Variants in ZNF366 observed in about 807,000 individuals in gnomAD.
ZNF366 encodes dendritic cell-specific transcript protein.
ZNF366 carries 20 observed loss-of-function variants against 47.2 expected under a neutral mutation model. The observed-to-expected ratio is 0.42, with a 90% CI of 0.30 to 0.62. The LOEUF is 0.62. ZNF366 is among the 20% of genes least tolerant of loss of function. The probability of loss-of-function intolerance (pLI) is 0.16; values close to 1 mark genes in which losing one functional copy is unlikely to be tolerated. For synonymous variants in ZNF366, 421 were observed against 395.1 expected, an observed-to-expected ratio of 1.07 and a Z score of -0.78; for missense variants, 987 against 976.3, an observed-to-expected ratio of 1.01 and a Z score of -0.15.
At chr5:72,488,086 T>C (rs1005057736) in intron 1 of ZNF366, among the ~76,000 whole-genome samples, 2 of 151,956 alleles carry the variant, frequency 1.3e-5, no homozygotes, top group Admixed American at 1.3e-4. Context: ...TGCACACCTA[T>C]AGTCCCAGCT....
chr5:72,497,054 A>G lies in ZNF366; in HGVS notation c.-15+10197T>C, dbSNP rs1437874161. On this transcript the variant is annotated intron_variant, in intron 1 of 4. Transcript: ENST00000318442. ...TCTTAAAACAAGTCCTTTATCAGATATGTTTCACAAATATTTTCTCCTAGT... is the reference window on the plus strand; with the variant it reads ...TCTTAAAACAAGTCCTTTATCAGATGTGTTTCACAAATATTTTCTCCTAGT... 2.0e-5 allele frequency among the ~76,000 whole-genome samples: 3 copies of G among 152,172 alleles called. No homozygotes were observed. The East Asian group carries it at 5.8e-4, about 29-fold the overall frequency.
chr5:72,458,442 G>C (rs905268432), intron 2 of ZNF366, among the ~76,000 whole-genome samples: 1 of 152,212 alleles, frequency 6.6e-6, no homozygotes, highest in Non-Finnish European at 1.5e-5. Context: ...TCCAAAGTAA[G>C]ATTCACCTGT....
At chr5:72,479,894 A>G (rs537963256) in intron 1 of ZNF366, among the ~76,000 whole-genome samples, 3 of 152,332 alleles carry the variant, frequency 2.0e-5, no homozygotes, top group Admixed American at 2.0e-4. Flanking sequence ...TAAAATTTGT[A>G]AAAACAACAC....
chr5:72,505,792 A>G (rs1744308166), intron 1 of ZNF366, among the ~76,000 whole-genome samples: 1 of 152,326 alleles, frequency 6.6e-6, no homozygotes, highest in East Asian at 1.9e-4. Context: ...TCTTGATCTG[A>G]AGATCTATGG....
chr5:72,489,332 G>A (rs1239007566), intron 1 of ZNF366, among the ~76,000 whole-genome samples: 1 of 152,158 alleles, frequency 6.6e-6, no homozygotes, highest in African/African-American at 2.4e-5. Flanking sequence ...GGGCCCAAAG[G>A]TAAGATGACC....
intron 1 of ZNF366, chr5:72,472,646 C>T (rs1382781551): frequency 7.7e-6 from 6 of 780,726 alleles, no homozygotes; most frequent in Non-Finnish European, 9.3e-6. Context: ...ATAGTAATTA[C>T]AGAATTACAC....
chr5:72,446,599 G>C (rs59045828), intron 4 of ZNF366, among the ~76,000 whole-genome samples: 7 of 152,298 alleles, frequency 4.6e-5, no homozygotes, highest in Non-Finnish European at 1.0e-4. Flanking sequence ...GATTCAGTGG[G>C]GGAGGTGTAA....
rs1364819312 is a variant in ZNF366, at chr5:72,441,835, A to C, written c.*1921T>G. On this transcript the variant is annotated 3_prime_UTR_variant, in exon 5 of 5. Transcript: ENST00000318442. ...TACGAGTCAAAACTACCAAACAAGA[A>C]GTTTTTACATAAACAGACACAGTAC... 1 of 152,196 alleles carries C rather than the reference A, an allele frequency of 6.6e-6. No individual in the cohort carries two copies. Among genetic ancestry groups the C allele is most frequent in the Non-Finnish European group, 1.5e-5 (1 of 68,026 alleles). 9.4% of individuals were successfully genotyped at this position (152,196 alleles called of 1,614,324 possible). A position where few individuals can be genotyped will look rare whatever the true frequency, so the allele number is the denominator to read the frequency against.
chr5:72,496,372 T>C (rs1744112671), intron 1 of ZNF366, among the ~76,000 whole-genome samples: 1 of 152,212 alleles, frequency 6.6e-6, no homozygotes, highest in African/African-American at 2.4e-5. Flanking sequence ...AATCATTTGA[T>C]ATTTACTGTG....
chr5:72,455,420 GA>G (rs879723767), intron 3 of ZNF366, among the ~76,000 whole-genome samples: 5 of 152,118 alleles, frequency 3.3e-5, no homozygotes, highest in African/African-American at 9.7e-5. Flanking sequence ...GTAGCAGAGA[GA>G]AAAAACCTCC....
intron 1 of ZNF366, among the ~76,000 whole-genome samples, chr5:72,495,980 C>CT (rs549458476): frequency 0.051 from 7,473 of 146,350 alleles, 506 homozygotes; most frequent in African/African-American, 0.15. Flanking sequence ...GAAAAATACA[C>CT]TTTTTTTTTT....
chr5:72,500,907 T>C (rs576825627), intron 1 of ZNF366, among the ~76,000 whole-genome samples: 1 of 152,358 alleles, frequency 6.6e-6, no homozygotes, highest in Admixed American at 6.5e-5. Context: ...TGAAGGCTAC[T>C]ACCTTAAAGG....
chr5:72,446,567 A>T (rs964497563), intron 4 of ZNF366, among the ~76,000 whole-genome samples: 9 of 152,202 alleles, frequency 5.9e-5, no homozygotes, highest in African/African-American at 2.2e-4. Context: ...AGGCAGTGAG[A>T]ACTTTTCATT....
chr5:72,455,447 G>T (rs943862259), intron 3 of ZNF366, among the ~76,000 whole-genome samples: 1 of 152,174 alleles, frequency 6.6e-6, no homozygotes, highest in African/African-American at 2.4e-5. Flanking sequence ...AAACAGAAGG[G>T]CTGTAACGAT....
chr5:72,494,790 T>C (rs992440469), intron 1 of ZNF366, among the ~76,000 whole-genome samples: 2 of 152,120 alleles, frequency 1.3e-5, no homozygotes, highest in Non-Finnish European at 2.9e-5. Context: ...TTGGTTTCGT[T>C]TGATTTGAAG....
intron 3 of ZNF366, among the ~76,000 whole-genome samples, chr5:72,450,825 C>T (rs1580231955): frequency 6.6e-6 from 1 of 152,144 alleles, no homozygotes; most frequent in East Asian, 1.9e-4. Context: ...TATTTTATGT[C>T]TGTGAAACTC....
At chr5:72,444,790 G>A (rs536836126) in intron 4 of ZNF366, among the ~76,000 whole-genome samples, 56 of 152,156 alleles carry the variant, frequency 3.7e-4, no homozygotes, top group Non-Finnish European at 7.1e-4. Context: ...ATGTAAGTAT[G>A]TGTGTGTGTA....
At chr5:72,448,488 C>T (rs1743002341) in intron 3 of ZNF366, among the ~76,000 whole-genome samples, 1 of 152,164 alleles carries the variant, frequency 6.6e-6, no homozygotes, top group Non-Finnish European at 1.5e-5. Flanking sequence ...ACAATTTCAG[C>T]CCTTCCTTGG....
intron 1 of ZNF366, among the ~76,000 whole-genome samples, chr5:72,463,337 A>G (rs1362490367): frequency 6.6e-6 from 1 of 152,236 alleles, no homozygotes; most frequent in Non-Finnish European, 1.5e-5. Flanking sequence ...TGAGGAAAAA[A>G]TATGTGCCTT....
Sources: gnomAD v4.1 joint callset for allele counts (sites outside exome capture counted in the v4.1 genomes callset) on GRCh38, gnomAD v4.1.1 for gene constraint, MANE v1.5 for transcripts, NCBI Gene and HGNC (gene_info 2026-07-23, HGNC 2026-07-21) for gene names.